The following FBLN5 variants were observed in gnomAD, a reference collection of about 807,000 sequenced individuals.
The protein encoded by FBLN5 is fibulin 5, also known as fibulin-5.
In FBLN5, 24 loss-of-function variants were observed where a neutral mutation model predicts 61.6. The ratio of observed to expected loss-of-function variants is 0.39; its 90% CI spans 0.28 to 0.55. The LOEUF is 0.55. Ranked by LOEUF, FBLN5 falls within the 20% of genes least tolerant of loss-of-function variation. The probability of loss-of-function intolerance (pLI) is 0.65; values close to 1 mark genes in which losing one functional copy is unlikely to be tolerated. For synonymous variants in FBLN5, 213 were observed against 219.8 expected (o/e 0.97, Z 0.27); for missense variants, 470 against 594.1 (o/e 0.79, Z 2.17).
chr14:91,946,560 C>T (rs1349418605), intron 1 of FBLN5: 25 of 667,166 alleles, frequency 3.7e-5, no homozygotes, highest in East Asian at 1.4e-4. Flanking sequence ...CACATACATA[C>T]GCACACAAGG....
At chr14:91,944,514 T>C (rs971544654) in intron 1 of FBLN5, among the ~76,000 whole-genome samples, 1 of 152,248 alleles carries the variant, frequency 6.6e-6, no homozygotes, top group Admixed American at 6.5e-5. Flanking sequence ...CCTGTGTTCA[T>C]AGCAGCATTA....
At chr14:91,886,167 G>A (rs754537765) in intron 7 of FBLN5, among the ~76,000 whole-genome samples, 4 of 152,204 alleles carry the variant, frequency 2.6e-5, no homozygotes, top group African/African-American at 7.2e-5. Context: ...GATTTTTCAC[G>A]CCCTAGTGTA....
intron 4 of FBLN5, among the ~76,000 whole-genome samples, chr14:91,905,743 C>A (rs1291256781): frequency 2.6e-5 from 4 of 151,906 alleles, no homozygotes; most frequent in African/African-American, 7.3e-5. Flanking sequence ...CCATGCCCAG[C>A]TAATTTTTGT....
At chr14:91,927,583 C>T (rs1276819180) in intron 4 of FBLN5, among the ~76,000 whole-genome samples, 1 of 152,236 alleles carries the variant, frequency 6.6e-6, no homozygotes, top group African/African-American at 2.4e-5. Flanking sequence ...TTTAGAATGA[C>T]TGCACTTCTC....
At chr14:91,923,879 A>C (rs1049663244) in intron 4 of FBLN5, among the ~76,000 whole-genome samples, 11 of 152,350 alleles carry the variant, frequency 7.2e-5, no homozygotes, top group African/African-American at 2.6e-4. Flanking sequence ...ACAGATATGC[A>C]ACCCTGTCTT....
At chr14:91,929,189 T>G (rs1279209992) in intron 4 of FBLN5, among the ~76,000 whole-genome samples, 1 of 151,802 alleles carries the variant, frequency 6.6e-6, no homozygotes, top group Non-Finnish European at 1.5e-5. Context: ...GCAGATCTAG[T>G]ATCTTCTATG....
chr14:91,946,824 C>G, intron 1 of FBLN5: 1 of 1,530,270 alleles, frequency 6.5e-7, no homozygotes, highest in Non-Finnish European at 8.7e-7. Context: ...GTCTGCTTGT[C>G]TATCAGCCGA....
chr14:91,874,115 AGT>A (rs112903933), intron 10 of FBLN5: 6 of 152,184 alleles, frequency 3.9e-5, no homozygotes, highest in East Asian at 1.9e-4. Context: ...TGTGCATGCA[AGT>A]GTGTGTGTGT....
chr14:91,928,875 T>G (rs916345941), intron 4 of FBLN5, among the ~76,000 whole-genome samples: 2 of 151,594 alleles, frequency 1.3e-5, no homozygotes, highest in Non-Finnish European at 2.9e-5. Flanking sequence ...TGGCTAACAC[T>G]GTGAAACCCC....
At chr14:91,881,464 C>A (rs751184340) in intron 8 of FBLN5, 46 bp from the exon 9 acceptor site, 6 of 1,612,554 alleles carry the variant, frequency 3.7e-6, no homozygotes, top group Admixed American at 3.3e-5. Context: ...CATTATTGGC[C>A]AGGCCAGACG....
intron 9 of FBLN5, among the ~76,000 whole-genome samples, chr14:91,880,379 C>T (rs566055754): frequency 6.6e-6 from 1 of 152,258 alleles, no homozygotes; most frequent in South Asian, 2.1e-4. Flanking sequence ...TCTGAAAGAC[C>T]CCATGTATCC....
At chr14:91,883,573 T>C (rs1013687253) in intron 7 of FBLN5, among the ~76,000 whole-genome samples, 6 of 141,788 alleles carry the variant, frequency 4.2e-5, no homozygotes, top group Non-Finnish European at 7.5e-5. Flanking sequence ...AGGAACAATA[T>C]TGTTCCTAAA....
Position 91,943,063 on chromosome 14 carries a change from G to C in FBLN5, c.18-102C>G. The C allele has an allele frequency of 1.3e-6, 1 of 788,002 alleles. No individual in the cohort carries two copies. Among genetic ancestry groups the C allele is most frequent in the South Asian group, 1.5e-5 (1 of 68,636 alleles). 48.8% of individuals were successfully genotyped at this position (788,002 alleles called of 1,614,324 possible). A position where few individuals can be genotyped will look rare whatever the true frequency, so the allele number is the denominator to read the frequency against. On this transcript the variant is annotated intron_variant, in intron 1 of 10. Transcript: ENST00000342058. The surrounding 1 kb of genome is among the most constrained non-coding windows in gnomAD (Gnocchi z 4.0). ...TGACGTGTAACGGTGATATCACCTT[G>C]GGCTTGTATGGGGTGGGGTGTGCTC...
intron 4 of FBLN5, among the ~76,000 whole-genome samples, chr14:91,934,453 A>C (rs2055979599): frequency 6.6e-6 from 1 of 152,198 alleles, no homozygotes; most frequent in South Asian, 2.1e-4. Flanking sequence ...GATCAAGCGC[A>C]TTAATTATTG....
At chr14:91,931,379 C>G (rs1371336966) in intron 4 of FBLN5, among the ~76,000 whole-genome samples, 5 of 152,166 alleles carry the variant, frequency 3.3e-5, no homozygotes, top group African/African-American at 4.8e-5. Context: ...TAGGCCAGAG[C>G]CTGGCACCAA....
At chr14:91,933,481 T>G (rs1439072663) in intron 4 of FBLN5, among the ~76,000 whole-genome samples, 1 of 152,160 alleles carries the variant, frequency 6.6e-6, no homozygotes, top group African/African-American at 2.4e-5. Context: ...TTGGCCAGGC[T>G]GGTCTCGAAC....
intron 4 of FBLN5, among the ~76,000 whole-genome samples, chr14:91,927,894 G>C (rs1397852612): frequency 6.6e-6 from 1 of 152,226 alleles, no homozygotes; most frequent in African/African-American, 2.4e-5. Flanking sequence ...ACTAGACCAA[G>C]GAACATAAGA....
intron 2 of FBLN5, chr14:91,942,114 T>G (rs1225691331): frequency 2.2e-6 from 1 of 455,862 alleles, no homozygotes; most frequent in Non-Finnish European, 4.4e-6. Flanking sequence ...GAGAGGCCAC[T>G]CGGAGTTTTC....
Position 91,917,666 on chromosome 14 carries a change from T to C in FBLN5, c.379+19281A>G, listed in dbSNP as rs77966453. Reference sequence around the variant, plus strand: ...TTGTTTTGCTTAAGCTACTTGGAGCTGGGTTTCTGTCAGTTGCAATCAAAA... The same window carrying C: ...TTGTTTTGCTTAAGCTACTTGGAGCCGGGTTTCTGTCAGTTGCAATCAAAA... On this transcript the variant is annotated intron_variant, in intron 4 of 10. Transcript: ENST00000342058. 6.8e-3 allele frequency among the ~76,000 whole-genome samples: 1,031 copies of C among 151,466 alleles called. 2 individuals are homozygous for C. Among genetic ancestry groups the C allele is most frequent in the Non-Finnish European group, 8.8e-3 (597 of 67,902 alleles).
Sources: allele counts gnomAD v4.1 joint callset (sites outside exome capture counted in the v4.1 genomes callset), GRCh38; gene constraint gnomAD v4.1.1; non-coding constraint Gnocchi (gnomAD v3.1); transcripts MANE v1.5; gene names NCBI Gene and HGNC (gene_info 2026-07-23, HGNC 2026-07-21).